Variants in DHRS12 observed in about 807,000 individuals in gnomAD.
DHRS12 encodes dehydrogenase/reductase SDR family member 12.
A neutral mutation model predicts 32.1 loss-of-function variants in DHRS12; 29 were observed. That is an observed-to-expected ratio of 0.90 (90% CI 0.67 to 1.23). The LOEUF (loss-of-function observed/expected upper bound fraction) is 1.23. DHRS12 is among the 50% of genes most tolerant of loss of function. The probability of loss-of-function intolerance (pLI) is 0.00; values close to 1 mark genes in which losing one functional copy is unlikely to be tolerated. For missense variants in DHRS12, 330 were observed against 337.2 expected, an observed-to-expected ratio of 0.98 and a Z score of 0.17; for synonymous variants, 150 against 135.9, an observed-to-expected ratio of 1.10 and a Z score of -0.72.
intron 8 of DHRS12, 97 bp downstream of exon 8, chr13:51,769,059 C>T: frequency 6.5e-7 from 1 of 1,532,338 alleles, no homozygotes; most frequent in South Asian, 1.2e-5. Flanking sequence ...GGGGACAGTC[C>T]CACCCCAGGT....
At chr13:51,797,939 T>C (rs1955582526) in intron 2 of DHRS12, 3 of 1,532,052 alleles carry the variant, frequency 2.0e-6, no homozygotes, top group Non-Finnish European at 2.6e-6. Context: ...CATCTGTGAG[T>C]TACAGCGAGA....
chr13:51,768,655 A>G, intron 8 of DHRS12: 1 of 1,134,538 alleles, frequency 8.8e-7, no homozygotes, highest in Non-Finnish European at 1.1e-6. Context: ...CCAAGCAAAG[A>G]GCCTGGCTTC....
rs1040975388 is a variant in DHRS12 at position 51,768,274 on chromosome 13, G to C, written c.720C>G (p.His240Gln). The C allele has an allele frequency of 6.5e-6, 10 of 1,536,096 alleles. No individual in the cohort carries two copies. Among genetic ancestry groups the C allele is most frequent in the Non-Finnish European group, 8.7e-6 (10 of 1,146,914 alleles). Residue 240 changes from histidine to glutamine, a missense_variant, in exon 9 of 9, where the codon CAC becomes CAG. Physicochemically the swap from His to Gln is conservative, Grantham distance 24 (BLOSUM62 0). Coordinates refer to ENST00000444610, the MANE Select transcript of DHRS12 (RefSeq NM_001377533.1). ...FFQDRKPVST[H>Q]LPLATASSSP... ...AGGAGGACGCTGTAGCGAGAGGCAAGTGTGTAGAAACTGGCTTCCGATCTA... is the reference window on the plus strand; with the variant it reads ...AGGAGGACGCTGTAGCGAGAGGCAACTGTGTAGAAACTGGCTTCCGATCTA...
chr13:51,759,780 A>G, the DHRS12 span: 3 of 1,613,674 alleles, frequency 1.9e-6, no homozygotes, highest in South Asian at 3.3e-5. Context: ...TGACTCTCCC[A>G]GGAATCAGAA....
At chr13:51,755,469 A>C in the DHRS12 span, 1 of 1,610,270 alleles carries the variant, frequency 6.2e-7, no homozygotes, top group Non-Finnish European at 8.5e-7. Flanking sequence ...GGTGAGTGAT[A>C]TGGATGCTTC....
At chr13:51,799,129 G>A (rs1271739735) in intron 2 of DHRS12, among the ~76,000 whole-genome samples, 1 of 152,146 alleles carries the variant, frequency 6.6e-6, no homozygotes, top group Non-Finnish European at 1.5e-5. Context: ...GGACTTTGAG[G>A]CTCCCCCTCC....
chr13:51,782,535 G>A lies in DHRS12; in HGVS notation c.302-5414C>T, dbSNP rs1285574363. Among the ~76,000 whole-genome samples the A allele has an allele frequency of 6.6e-6, 1 of 152,196 alleles. No homozygotes were observed. Among genetic ancestry groups the A allele is most frequent in the Non-Finnish European group, 1.5e-5 (1 of 68,036 alleles). ...TCAGGGTCATAGGTGACCTCAGCATGAGAGTGGCCAAAGGTCAGGGAGATA... is the reference window on the plus strand; with the variant it reads ...TCAGGGTCATAGGTGACCTCAGCATAAGAGTGGCCAAAGGTCAGGGAGATA... On this transcript the variant is annotated intron_variant, in intron 4 of 8. Transcript: ENST00000444610. This position sits in a 1 kb window ranked among gnomAD's most constrained non-coding sequence, Gnocchi z 4.2.
At chr13:51,755,294 G>T in the DHRS12 span, 12 of 1,468,494 alleles carry the variant, frequency 8.2e-6, no homozygotes, top group Non-Finnish European at 1.1e-5. Flanking sequence ...TTTCATCAGG[G>T]TCAGTGGTTT....
the DHRS12 span, chr13:51,755,293 G>A: frequency 1.4e-6 from 2 of 1,455,596 alleles, no homozygotes; most frequent in Non-Finnish European, 1.9e-6. Flanking sequence ...GTTTCATCAG[G>A]GTCAGTGGTT....
chr13:51,789,611 C>T (rs1955165714), intron 4 of DHRS12: 7 of 985,330 alleles, frequency 7.1e-6, no homozygotes, highest in Non-Finnish European at 8.4e-6. Context: ...GGTATCTGTG[C>T]TCTAGCCAAT....
At position 51,782,966 on chromosome 13, in the gene DHRS12, ACACCACGGAGCCTGGCGAGGACTCTGCAC is replaced by A. The variant is rs1954787220; in HGVS notation, c.302-5874_302-5846del. Among the ~76,000 whole-genome samples, 1 of 152,194 alleles carries A rather than the reference ACACCACGGAGCCTGGCGAGGACTCTGCAC, an allele frequency of 6.6e-6. No individual in the cohort carries two copies. The highest frequency in any genetic ancestry group is 2.4e-5 in the African/African-American group (1 of 41,454). Reference sequence around the variant, plus strand: ...TAGGCCAGAAGACCTAGAAGGGCAGACACCACGGAGCCTGGCGAGGACTCTGCACCACCATGGAGCTGCCGAGAAGGAAG... The same window carrying A: ...TAGGCCAGAAGACCTAGAAGGGCAGACACCATGGAGCTGCCGAGAAGGAAG... On this transcript the variant is annotated intron_variant, in intron 4 of 8. Transcript: ENST00000444610. This position sits in a 1 kb window ranked among gnomAD's most constrained non-coding sequence, Gnocchi z 4.2.
intron 8 of DHRS12, 106 bp downstream of exon 8, chr13:51,769,050 G>A: frequency 6.6e-7 from 1 of 1,507,264 alleles, no homozygotes; most frequent in Non-Finnish European, 8.9e-7. Flanking sequence ...CACCCCCCAG[G>A]GGACAGTCCC....
At chr13:51,771,981 G>T in intron 6 of DHRS12, 70 bp from the exon 7 acceptor site, 2 of 1,430,068 alleles carry the variant, frequency 1.4e-6, no homozygotes, top group Non-Finnish European at 2.0e-6. Context: ...CAGGGGATAA[G>T]CCCTGCCCAG....
intron 7 of DHRS12, chr13:51,770,805 T>G: frequency 9.7e-7 from 1 of 1,026,942 alleles, no homozygotes; most frequent in Non-Finnish European, 1.2e-6. Flanking sequence ...CTTCATTTAA[T>G]GATATAGTGC....
At chr13:51,803,819 C>G (rs1186768359) in intron 1 of DHRS12, 1 of 354,824 alleles carries the variant, frequency 2.8e-6, no homozygotes, top group African/African-American at 2.2e-5. Context: ...GCGCCACAGC[C>G]CCGCCCCTCG....
intron 6 of DHRS12, among the ~76,000 whole-genome samples, chr13:51,772,497 A>T (rs1203865208): frequency 6.6e-6 from 1 of 152,170 alleles, no homozygotes; most frequent in Non-Finnish European, 1.5e-5. Context: ...GTGGTGGGCA[A>T]ATCAAAATGA....
At chr13:51,768,398 G>GC in intron 8 of DHRS12, 102 bp from the exon 9 acceptor site, 1 of 1,506,554 alleles carries the variant, frequency 6.6e-7, no homozygotes, top group Non-Finnish European at 8.8e-7. Context: ...TGCTGGAGTG[G>GC]CAGCACCCTA....
intron 2 of DHRS12, chr13:51,797,687 T>C (rs930108858): frequency 1.8e-5 from 15 of 847,720 alleles, no homozygotes; most frequent in Admixed American, 2.6e-5. Flanking sequence ...CCCAGCTCCC[T>C]GCTGGCCGAG....
At chr13:51,769,655 A>G (rs1335531966) in intron 7 of DHRS12, among the ~76,000 whole-genome samples, 4 of 152,128 alleles carry the variant, frequency 2.6e-5, no homozygotes, top group Non-Finnish European at 5.9e-5. Context: ...GGCCCAGCAA[A>G]CCACTTAGTC....
Sources: allele counts gnomAD v4.1 joint callset (sites outside exome capture counted in the v4.1 genomes callset), GRCh38; gene constraint gnomAD v4.1.1; non-coding constraint Gnocchi (gnomAD v3.1); transcripts MANE v1.5; gene names NCBI Gene and HGNC (gene_info 2026-07-23, HGNC 2026-07-21).